The following SLC24A3 variants were observed in gnomAD, a reference collection of about 807,000 sequenced individuals.
The protein encoded by SLC24A3 is solute carrier family 24 member 3.
Under a neutral mutation model 75.8 loss-of-function variants are expected in SLC24A3, and 28 were observed. The observed-to-expected ratio is 0.37, with a 90% CI of 0.27 to 0.51. The LOEUF (loss-of-function observed/expected upper bound fraction) is 0.51, where lower values mean the gene tolerates loss of function less well. SLC24A3 is among the 20% of genes least tolerant of loss of function. SLC24A3 has a pLI of 0.94. For synonymous variants in SLC24A3, 372 were observed against 334.1 expected (o/e 1.11, Z -1.24); for missense variants, 663 against 847.8 (o/e 0.78, Z 2.71).
intron 2 of SLC24A3, among the ~76,000 whole-genome samples, chr20:19,380,566 TG>T (rs2122371505): frequency 6.6e-6 from 1 of 152,306 alleles, no homozygotes; most frequent in African/African-American, 2.4e-5. Context: ...TCTGCTGATT[TG>T]TTTTCCTTCT....
At chr20:19,626,993 G>T (rs74608986) in intron 6 of SLC24A3, among the ~76,000 whole-genome samples, 11,748 of 152,246 alleles carry the variant, frequency 0.077, 614 homozygotes, top group Non-Finnish European at 0.1. Context: ...ATCCTACAAG[G>T]TTATACAAAC....
In SLC24A3 at chr20:19,585,030, C is replaced by T; in HGVS notation, c.483C>T (p.Ala161=). 6.2e-7 allele frequency: 1 copy of T among 1,613,894 alleles called. No individual in the cohort carries two copies. Among genetic ancestry groups the T allele is most frequent in the Non-Finnish European group, 8.5e-7 (1 of 1,179,794 alleles). The part of the protein sequence containing the change: ...GATFMAAGSS[A]PELFTSVIGV... ...CATTCATGGCAGCGGGAAGTTCGGCCCCAGAGCTGTTCACATCGGTCATAG... is the reference window on the plus strand; with the variant it reads ...CATTCATGGCAGCGGGAAGTTCGGCTCCAGAGCTGTTCACATCGGTCATAG... Residue 161 remains alanine (A), a synonymous_variant, in exon 5 of 17, where the codon GCC becomes GCT. Transcript: ENST00000328041.
chr20:19,260,403 T>C (rs1280519068), intron 1 of SLC24A3, among the ~76,000 whole-genome samples: 1 of 152,182 alleles, frequency 6.6e-6, no homozygotes, highest in East Asian at 1.9e-4. Flanking sequence ...CGGAATGAGG[T>C]CAGCATACTC....
At chr20:19,639,041 C>T (rs1190861717) in intron 6 of SLC24A3, among the ~76,000 whole-genome samples, 1 of 152,176 alleles carries the variant, frequency 6.6e-6, no homozygotes, top group Non-Finnish European at 1.5e-5. Context: ...CGGCAGCCTG[C>T]TTTTATTCTC....
At chr20:19,590,544 A>G (rs1237782512) in intron 6 of SLC24A3, among the ~76,000 whole-genome samples, 1 of 152,202 alleles carries the variant, frequency 6.6e-6, no homozygotes, top group Non-Finnish European at 1.5e-5. Context: ...AATTGCAAGG[A>G]AGAGAGCAAG....
Position 19,486,061 on chromosome 20 carries a change from G to A in SLC24A3, c.272-29427G>A, listed in dbSNP as rs989705439. 4.6e-5 allele frequency among the ~76,000 whole-genome samples: 7 copies of A among 152,194 alleles called. 1 individual carries two copies. Among genetic ancestry groups the A allele is most frequent in the Admixed American group, 1.3e-4 (2 of 15,280 alleles). On this transcript the variant is annotated intron_variant, in intron 2 of 16. Transcript: ENST00000328041. ...GAGGTAAGTGGGCTGGAGGGTAGGTGGAGGGAATTTCAGCTCCATCTCATG... is the reference window on the plus strand; with the variant it reads ...GAGGTAAGTGGGCTGGAGGGTAGGTAGAGGGAATTTCAGCTCCATCTCATG...
At chr20:19,350,881 C>G (rs1362194479) in intron 2 of SLC24A3, among the ~76,000 whole-genome samples, 1 of 151,350 alleles carries the variant, frequency 6.6e-6, no homozygotes, top group Non-Finnish European at 1.5e-5. Context: ...AGTAGAACCA[C>G]AAGCTGGATG....
chr20:19,692,365 T>A (rs548306367), intron 12 of SLC24A3, among the ~76,000 whole-genome samples: 1 of 152,220 alleles, frequency 6.6e-6, no homozygotes, highest in African/African-American at 2.4e-5. Flanking sequence ...ACCCTCAAAC[T>A]GGCAACAAAC....
At chr20:19,692,008 G>A (rs1889506738) in intron 12 of SLC24A3, among the ~76,000 whole-genome samples, 1 of 152,034 alleles carries the variant, frequency 6.6e-6, no homozygotes, top group African/African-American at 2.4e-5. Context: ...GAGGCCAGAG[G>A]GTGCCAGAAA....
At chr20:19,704,245 C>A (rs370465262) in intron 15 of SLC24A3, among the ~76,000 whole-genome samples, 1 of 151,950 alleles carries the variant, frequency 6.6e-6, no homozygotes, top group Non-Finnish European at 1.5e-5. Context: ...AAGAACAGAG[C>A]AGTAGGGTGA....
chr20:19,557,972 T>A (rs2030816441), intron 3 of SLC24A3, among the ~76,000 whole-genome samples: 1 of 152,154 alleles, frequency 6.6e-6, no homozygotes. Flanking sequence ...TGTGTATGTG[T>A]GTACATGCAT....
At chr20:19,224,031 G>T (rs1981805085) in intron 1 of SLC24A3, among the ~76,000 whole-genome samples, 1 of 152,008 alleles carries the variant, frequency 6.6e-6, no homozygotes, top group Non-Finnish European at 1.5e-5. Context: ...TAATATTTTT[G>T]GACTATGGTC....
rs1471583358 is a variant in SLC24A3 at position 19,432,273 on chromosome 20, TA to T, written c.272-83214del. ...CAAACAGATTTATATATATCTGTTT[TA>T]TATATATATATATATATAAGATTAT... On this transcript the variant is annotated intron_variant, in intron 2 of 16. Transcript: ENST00000328041. Among the ~76,000 whole-genome samples the T allele has an allele frequency of 8.2e-4, 32 of 38,800 alleles. No homozygotes were observed. In the African/African-American group the frequency reaches 8.3e-3, roughly 10 times the overall value. 25.5% of individuals were successfully genotyped at this position (38,800 alleles called of 152,430 possible).
chr20:19,537,649 T>C (rs1418596006), intron 3 of SLC24A3, among the ~76,000 whole-genome samples: 2 of 152,124 alleles, frequency 1.3e-5, no homozygotes, highest in Non-Finnish European at 2.9e-5. Flanking sequence ...AATGATTGAC[T>C]GGATTAAGAA....
At chr20:19,232,050 G>A (rs1331901742) in intron 1 of SLC24A3, among the ~76,000 whole-genome samples, 1 of 152,076 alleles carries the variant, frequency 6.6e-6, no homozygotes, top group African/African-American at 2.4e-5. Flanking sequence ...TTTTTTCCCA[G>A]GTGACATTGT....
At chr20:19,579,911 GA>G (rs11087288) in intron 3 of SLC24A3, 88 bp from the exon 4 acceptor site, 744,611 of 930,652 alleles carry the variant, frequency 0.8, 300,161 homozygotes, top group South Asian at 0.89. Context: ...GATGACAGAA[GA>G]CATTATCAAA....
intron 2 of SLC24A3, among the ~76,000 whole-genome samples, chr20:19,326,196 C>A (rs1288295771): frequency 6.6e-6 from 1 of 151,932 alleles, no homozygotes; most frequent in Non-Finnish European, 1.5e-5. Flanking sequence ...GGGGGTAGTG[C>A]TTCATGAAGG....
At chr20:19,332,776 A>G (rs1382193407) in intron 2 of SLC24A3, among the ~76,000 whole-genome samples, 1 of 152,212 alleles carries the variant, frequency 6.6e-6, no homozygotes, top group East Asian at 1.9e-4. Context: ...CTCCAGCACT[A>G]CATGGGATAC....
intron 1 of SLC24A3, among the ~76,000 whole-genome samples, chr20:19,260,660 T>C (rs1982954766): frequency 6.6e-6 from 1 of 152,258 alleles, no homozygotes; most frequent in South Asian, 2.1e-4. Flanking sequence ...ACTGCTGCAC[T>C]TGTCTCTATA....
Sources: gnomAD v4.1 joint callset for allele counts (sites outside exome capture counted in the v4.1 genomes callset) on GRCh38, gnomAD v4.1.1 for gene constraint, MANE v1.5 for transcripts, NCBI Gene and HGNC (gene_info 2026-07-23, HGNC 2026-07-21) for gene names.